HSD11B1: variants seen among roughly 807,000 people sequenced by gnomAD.
HSD11B1 encodes the protein 11-beta-hydroxysteroid dehydrogenase 1.
HSD11B1 carries 15 observed loss-of-function variants against 22.1 expected under a neutral mutation model. The ratio of observed to expected loss-of-function variants is 0.68; its 90% confidence interval spans 0.45 to 1.04. The LOEUF (loss-of-function observed/expected upper bound fraction) is 1.04. Ranked by LOEUF, HSD11B1 falls within the 50% of genes least tolerant of loss-of-function variation. The pLI is 0.00. For missense variants in HSD11B1, 281 were observed against 357.6 expected (o/e 0.79, Z 1.73); for synonymous variants, 122 against 125.2 (o/e 0.97, Z 0.17).
intron 1 of HSD11B1, among the ~76,000 whole-genome samples, chr1:209,695,287 A>T (rs1229580798): frequency 6.6e-6 from 1 of 152,220 alleles, no homozygotes; most frequent in Non-Finnish European, 1.5e-5. Context: ...AAGTGGACTA[A>T]CACAGATGGT....
chr1:209,707,744 C>T (rs1405748832), intron 4 of HSD11B1, among the ~76,000 whole-genome samples: 1 of 152,188 alleles, frequency 6.6e-6, no homozygotes, highest in Non-Finnish European at 1.5e-5. Context: ...GGAGGTACAG[C>T]TTGTCCTGGT....
chr1:209,698,206 G>T lies in HSD11B1; in HGVS notation c.-48-6689G>T, dbSNP rs565979017. On this transcript the variant is annotated intron_variant, in intron 1 of 6. Coordinates refer to the HSD11B1 transcript ENST00000261465. ...AGATAGATAGATAGATAGATAGATAGATAGATAGATAGGAAGGACAGACAG... is the reference window on the plus strand; with the variant it reads ...AGATAGATAGATAGATAGATAGATATATAGATAGATAGGAAGGACAGACAG... Among the ~76,000 whole-genome samples the T allele has an allele frequency of 3.3e-5, 5 of 151,824 alleles. No homozygotes were observed. The South Asian group carries it at 1.0e-3, about 32-fold the overall frequency.
chr1:209,731,501 C>A (rs1036692341), intron 4 of HSD11B1, among the ~76,000 whole-genome samples: 5 of 152,110 alleles, frequency 3.3e-5, no homozygotes, highest in Non-Finnish European at 5.9e-5. Flanking sequence ...AATTAGCAGA[C>A]AATGGATTTT....
At chr1:209,694,380 G>A (rs2076778481) in intron 1 of HSD11B1, among the ~76,000 whole-genome samples, 3 of 152,228 alleles carry the variant, frequency 2.0e-5, no homozygotes, top group African/African-American at 7.2e-5. Context: ...GGGAAAGGCA[G>A]ACAGTGAATG....
intron 4 of HSD11B1, among the ~76,000 whole-genome samples, chr1:209,730,387 G>A (rs866665153): frequency 3.3e-5 from 5 of 152,218 alleles, no homozygotes; most frequent in Admixed American, 6.5e-5. Context: ...TCCTTAGGAG[G>A]AAAGGAGAAG....
At chr1:209,721,482 A>AAG (rs1196112600) in intron 4 of HSD11B1, among the ~76,000 whole-genome samples, 1 of 151,774 alleles carries the variant, frequency 6.6e-6, no homozygotes, top group Non-Finnish European at 1.5e-5. Context: ...AAAAAAAAAA[A>AAG]AAAAATCCCC....
chr1:209,709,185 C>T (rs2076879282), intron 4 of HSD11B1, among the ~76,000 whole-genome samples: 1 of 152,134 alleles, frequency 6.6e-6, no homozygotes, highest in South Asian at 2.1e-4. Context: ...TAGGGAATAC[C>T]TTAAGTTGTT....
At chr1:209,725,008 T>G (rs1387533943) in intron 4 of HSD11B1, among the ~76,000 whole-genome samples, 1 of 152,208 alleles carries the variant, frequency 6.6e-6, no homozygotes, top group East Asian at 1.9e-4. Flanking sequence ...AGGATTTTCT[T>G]TTCATAATTA....
chr1:209,716,382 C>T (rs1216713056), intron 4 of HSD11B1, among the ~76,000 whole-genome samples: 1 of 149,276 alleles, frequency 6.7e-6, no homozygotes, highest in African/African-American at 2.4e-5. Flanking sequence ...GGTGAAAGAC[C>T]TCTACAGGAA....
chr1:209,730,654 T>C (rs1399713790), intron 4 of HSD11B1, among the ~76,000 whole-genome samples: 1 of 152,204 alleles, frequency 6.6e-6, no homozygotes, highest in African/African-American at 2.4e-5. Context: ...ATTTTCCATC[T>C]AGAATATTTT....
chr1:209,718,500 A>T (rs546448809), intron 4 of HSD11B1, among the ~76,000 whole-genome samples: 1 of 152,306 alleles, frequency 6.6e-6, no homozygotes, highest in South Asian at 2.1e-4. Context: ...GGAAATGCAA[A>T]TTGAAACTAC....
chr1:209,713,159 A>AT (rs1411469197), intron 4 of HSD11B1, among the ~76,000 whole-genome samples: 3 of 152,236 alleles, frequency 2.0e-5, no homozygotes, highest in African/African-American at 7.2e-5. Context: ...TTGTTGTAGG[A>AT]TTTTTTAAAT....
intron 4 of HSD11B1, among the ~76,000 whole-genome samples, chr1:209,717,268 A>T (rs937388887): frequency 1.3e-5 from 2 of 152,206 alleles, no homozygotes; most frequent in Admixed American, 1.3e-4. Context: ...TCAAAAAAAG[A>T]CATAGAACAT....
At chr1:209,687,634 A>AG (rs1437998151) in intron 1 of HSD11B1, among the ~76,000 whole-genome samples, 12 of 152,236 alleles carry the variant, frequency 7.9e-5, no homozygotes, top group African/African-American at 2.9e-4. Context: ...CAGTGATGGG[A>AG]GGGAGACTGG....
intron 4 of HSD11B1, among the ~76,000 whole-genome samples, chr1:209,724,721 A>G (rs1462100525): frequency 6.6e-6 from 1 of 152,234 alleles, no homozygotes; most frequent in African/African-American, 2.4e-5. Flanking sequence ...AGAGCAGAAC[A>G]TAGGGGTTTC....
At chr1:209,700,137 C>T (rs184181227), upstream of HSD11B1, among the ~76,000 whole-genome samples, 13 of 152,366 alleles carry the variant, frequency 8.5e-5, no homozygotes, top group African/African-American at 3.1e-4. Flanking sequence ...CTCACAGCTC[C>T]ACTAGGCAGT....
intron 1 of HSD11B1, among the ~76,000 whole-genome samples, chr1:209,698,328 G>T (rs557782221): frequency 1.1e-4 from 17 of 152,324 alleles, no homozygotes; most frequent in South Asian, 8.3e-4. Flanking sequence ...TGGGCATTCT[G>T]TATTTCTATT....
chr1:209,689,834 T>C (rs570459466), intron 1 of HSD11B1, among the ~76,000 whole-genome samples: 2 of 152,192 alleles, frequency 1.3e-5, no homozygotes, highest in Admixed American at 1.3e-4. Context: ...AGGGGTTCCT[T>C]TACAGTAACA....
At chr1:209,699,407 C>T (rs2076813074) in intron 1 of HSD11B1, among the ~76,000 whole-genome samples, 1 of 152,064 alleles carries the variant, frequency 6.6e-6, no homozygotes, top group Non-Finnish European at 1.5e-5. Context: ...TACATGGCAG[C>T]AGTAAGAGTA....
Sources: gnomAD v4.1 joint callset for allele counts (sites outside exome capture counted in the v4.1 genomes callset) on GRCh38, gnomAD v4.1.1 for gene constraint, MANE v1.5 for transcripts, NCBI Gene and HGNC (gene_info 2026-07-23, HGNC 2026-07-21) for gene names.